The following BBX variants were observed in gnomAD, a reference collection of about 807,000 sequenced individuals.
BBX encodes BBX high mobility group box domain containing, also known as HMG box transcription factor BBX.
In BBX, 30 loss-of-function variants were observed where a neutral mutation model predicts 100.2. The observed-to-expected ratio is 0.30, with a 90% confidence interval of 0.22 to 0.41. BBX has a LOEUF of 0.41. Among genes scored for constraint, BBX ranks in the 10% least tolerant of loss-of-function variants. The pLI, the probability that BBX is intolerant of heterozygous loss-of-function variation, is 1.00. For synonymous variants in BBX, 376 were observed against 388.1 expected (o/e 0.97, Z 0.37); for missense variants, 1,023 against 1,129.8 (o/e 0.91, Z 1.35).
At chr3:107,595,368 G>A (rs1292613065) in intron 2 of BBX, among the ~76,000 whole-genome samples, 1 of 152,178 alleles carries the variant, frequency 6.6e-6, no homozygotes, top group African/African-American at 2.4e-5. Flanking sequence ...CCTCCCCTCT[G>A]ATGTTATTTG....
chr3:107,555,423 A>T (rs2050024663), intron 2 of BBX, among the ~76,000 whole-genome samples: 1 of 152,194 alleles, frequency 6.6e-6, no homozygotes, highest in Non-Finnish European at 1.5e-5. Context: ...GGTCATTAAG[A>T]CCCAGAAAAA....
chr3:107,540,567 T>A (rs1359707615), intron 2 of BBX, among the ~76,000 whole-genome samples: 2 of 152,212 alleles, frequency 1.3e-5, no homozygotes, highest in African/African-American at 4.8e-5. Context: ...TGGAATTATG[T>A]CATATGTAGA....
intron 2 of BBX, among the ~76,000 whole-genome samples, chr3:107,608,064 G>C (rs2107644501): frequency 6.6e-6 from 1 of 152,014 alleles, no homozygotes; most frequent in Middle Eastern, 3.4e-3. Flanking sequence ...TTTTTGACTT[G>C]ATATGATCCC....
intron 10 of BBX, among the ~76,000 whole-genome samples, chr3:107,765,549 C>T (rs559023019): frequency 3.3e-5 from 5 of 152,196 alleles, no homozygotes; most frequent in African/African-American, 7.2e-5. Context: ...TGTCCTCAAG[C>T]GATCCTCTTG....
chr3:107,559,936 G>GT (rs1484442598), intron 2 of BBX, among the ~76,000 whole-genome samples: 1 of 152,006 alleles, frequency 6.6e-6, no homozygotes, highest in Non-Finnish European at 1.5e-5. Context: ...TAGAGACGAG[G>GT]TTTTGCCATG....
intron 10 of BBX, among the ~76,000 whole-genome samples, chr3:107,772,069 G>GTA (rs2066947483): frequency 6.8e-6 from 1 of 146,862 alleles, no homozygotes; most frequent in African/African-American, 2.5e-5. Context: ...CAACCAGTAA[G>GTA]TATATAACGC....
chr3:107,555,789 A>T (rs1361065977), intron 2 of BBX, among the ~76,000 whole-genome samples: 1 of 152,184 alleles, frequency 6.6e-6, no homozygotes. Context: ...AATTCTGGTG[A>T]ATCTGAACAA....
chr3:107,569,537 A>G (rs917797231), intron 2 of BBX, among the ~76,000 whole-genome samples: 1 of 152,098 alleles, frequency 6.6e-6, no homozygotes, highest in Non-Finnish European at 1.5e-5. Context: ...ATTACTGGGG[A>G]AAAGGGCGGC....
chr3:107,615,795 G>A (rs1176603955), intron 2 of BBX, among the ~76,000 whole-genome samples: 1 of 152,086 alleles, frequency 6.6e-6, no homozygotes, highest in Non-Finnish European at 1.5e-5. Flanking sequence ...AAATATGCCT[G>A]GACTTCAGAA....
intron 2 of BBX, among the ~76,000 whole-genome samples, chr3:107,626,945 C>T (rs1211087208): frequency 6.6e-6 from 1 of 152,120 alleles, no homozygotes; most frequent in African/African-American, 2.4e-5. Context: ...AGCCACCGCA[C>T]CTGGCCTTCC....
At chr3:107,554,559 A>T (rs1220565210) in intron 2 of BBX, among the ~76,000 whole-genome samples, 1 of 152,228 alleles carries the variant, frequency 6.6e-6, no homozygotes, top group South Asian at 2.1e-4. Context: ...CAAAGTAACC[A>T]AAAGGTATGG....
intron 5 of BBX, among the ~76,000 whole-genome samples, chr3:107,719,834 A>G (rs1178535730): frequency 6.6e-6 from 1 of 151,980 alleles, no homozygotes; most frequent in Admixed American, 6.6e-5. Context: ...AGGAATACAA[A>G]TCTCTGCATT....
At chr3:107,797,337 A>AATATATATATATATATATAT (rs369837058) in intron 15 of BBX, among the ~76,000 whole-genome samples, 824 of 38,956 alleles carry the variant, frequency 0.021, 67 homozygotes, top group African/African-American at 0.025. Flanking sequence ...TTTTCTTCCA[A>AATATATATATATATATATAT]ATATATATAT....
intron 1 of BBX, 150 bp downstream of exon 1, chr3:107,523,257 G>A (rs551794274): frequency 9.2e-6 from 2 of 218,186 alleles, no homozygotes; most frequent in Non-Finnish European, 1.8e-5. Context: ...CAGCCGGTAG[G>A]GTGGACTTGA....
chr3:107,641,875 C>T (rs2057233703), intron 2 of BBX: 1 of 152,178 alleles, frequency 6.6e-6, no homozygotes, highest in Non-Finnish European at 1.5e-5. Flanking sequence ...GTAATTTTAA[C>T]AAAAGTTTTC....
chr3:107,668,964 C>A (rs897305203), intron 3 of BBX, among the ~76,000 whole-genome samples: 3 of 152,062 alleles, frequency 2.0e-5, no homozygotes, highest in African/African-American at 7.2e-5. Context: ...AAGGGAGACA[C>A]CTACTTTTTC....
intron 2 of BBX, among the ~76,000 whole-genome samples, chr3:107,592,360 CAAAAAAAAAAA>C (rs398052177): frequency 1.3e-5 from 1 of 74,886 alleles, no homozygotes; most frequent in Non-Finnish European, 2.4e-5. Flanking sequence ...GACCCTGTCT[CAAAAAAAAAAA>C]AAAAAAAAAA....
At chr3:107,772,330 A>G (rs917103109) in intron 10 of BBX, among the ~76,000 whole-genome samples, 3 of 152,328 alleles carry the variant, frequency 2.0e-5, no homozygotes, top group East Asian at 3.9e-4. Context: ...TGGGTCTTTC[A>G]ACTCTGAATC....
chr3:107,801,379 C>G, intron 17 of BBX, 98 bp downstream of exon 17: 1 of 1,376,854 alleles, frequency 7.3e-7, no homozygotes, highest in South Asian at 1.4e-5. Context: ...GGGGTTCAAA[C>G]TTGGTTCAAG....
Sources: gnomAD v4.1 joint callset for allele counts (sites outside exome capture counted in the v4.1 genomes callset) on GRCh38, gnomAD v4.1.1 for gene constraint, MANE v1.5 for transcripts, NCBI Gene and HGNC (gene_info 2026-07-23, HGNC 2026-07-21) for gene names.